The following ELP2 variants were observed in gnomAD, a reference collection of about 807,000 sequenced individuals.
ELP2 encodes elongator acetyltransferase complex subunit 2.
ELP2 carries 90 observed loss-of-function variants against 119.2 expected under a neutral mutation model. The observed-to-expected ratio is 0.75, with a 90% CI of 0.64 to 0.90. The LOEUF (loss-of-function observed/expected upper bound fraction) is 0.90. Ranked by LOEUF, ELP2 falls within the 40% of genes least tolerant of loss-of-function variation. ELP2 has a pLI of 0.00. For missense variants in ELP2, 921 were observed against 967.8 expected (o/e 0.95, Z 0.64); for synonymous variants, 339 against 331.0 (o/e 1.02, Z -0.26).
In ELP2 at chr18:36,130,044, C is replaced by T. The variant is rs916507450; in HGVS notation, c.111C>T (p.Ser37=). Reference sequence around the variant, plus strand: ...GAGGACTTCTGGCCTTTGGCACGTCCTGCTCCGTGGTGCTCTATGACCCCC... The same window carrying T: ...GAGGACTTCTGGCCTTTGGCACGTCTTGCTCCGTGGTGCTCTATGACCCCC... The part of the protein sequence containing the change: ...GPRGLLAFGT[S]CSVVLYDPLK... The change falls in exon 1 of 22, where the codon TCC becomes TCT. Residue 37 remains serine, a synonymous_variant. Coordinates refer to ENST00000358232, the MANE Select transcript of ELP2 (RefSeq NM_018255.4). The T allele has an allele frequency of 1.2e-5, 20 of 1,614,076 alleles. No homozygotes were observed. Among genetic ancestry groups the T allele is most frequent in the Non-Finnish European group, 1.6e-5 (19 of 1,180,036 alleles).
intron 18 of ELP2, among the ~76,000 whole-genome samples, chr18:36,166,332 T>TTG (rs1568022441): frequency 7.5e-5 from 9 of 119,942 alleles, no homozygotes; most frequent in South Asian, 3.2e-4. Context: ...TTTTTTTTTT[T>TTG]TTTTTTTTTT....
At chr18:36,168,382 A>G (rs1257022462) in intron 19 of ELP2, among the ~76,000 whole-genome samples, 1 of 152,172 alleles carries the variant, frequency 6.6e-6, no homozygotes, top group East Asian at 1.9e-4. Context: ...TCATGCTGCT[A>G]TGAGGAACTG....
In ELP2 at chr18:36,146,237, T is replaced by C. The variant is rs1351479859; in HGVS notation, c.994-13T>C. ...TATTGATTAAGAATTGTTTTCTGTC[T>C]GTTATTGTACAGGTTCGAGTAGGTG... On this transcript the variant is annotated splice_polypyrimidine_tract_variant and intron_variant, in intron 10 of 21. Coordinates refer to ENST00000358232, the MANE Select transcript of ELP2 (RefSeq NM_018255.4). The C allele has an allele frequency of 1.9e-6, 3 of 1,614,114 alleles. No homozygotes were observed. Among genetic ancestry groups the C allele is most frequent in the Admixed American group, 1.7e-5 (1 of 60,026 alleles).
intron 8 of ELP2, among the ~76,000 whole-genome samples, 164 bp downstream of exon 8, chr18:36,143,130 T>G (rs1170506836): frequency 6.6e-6 from 1 of 151,978 alleles, no homozygotes; most frequent in Admixed American, 6.6e-5. Flanking sequence ...GAGTTTTGCT[T>G]CTTCACCTCG....
At chr18:36,171,882 A>C (rs1474658856) in intron 21 of ELP2, among the ~76,000 whole-genome samples, 3 of 152,080 alleles carry the variant, frequency 2.0e-5, no homozygotes, top group Admixed American at 2.0e-4. Context: ...ATGCCAGGCT[A>C]ATTTTTTTTG....
At chr18:36,151,742 GTTTT>G (rs71166098) in intron 11 of ELP2, among the ~76,000 whole-genome samples, 2 of 109,856 alleles carry the variant, frequency 1.8e-5, no homozygotes, top group East Asian at 6.6e-4. Context: ...GTTCTGTTCT[GTTTT>G]TTTTTTTTTT....
At position 36,174,800 on chromosome 18, in the gene ELP2, G is replaced by A. The variant is rs892784667; in HGVS notation, c.*159G>A. On this transcript the variant is annotated 3_prime_UTR_variant, in exon 22 of 22. Transcript: ENST00000358232. ...CAACCTCCACCTCCCAGGTTCAAGC[G>A]ATTCTCTTTCTTCAGCCTCCTGAGT... 1.2e-5 allele frequency: 8 copies of A among 667,050 alleles called. No individual in the cohort carries two copies. Among genetic ancestry groups the A allele is most frequent in the Admixed American group, 5.3e-5 (2 of 37,438 alleles). 41.3% of individuals were successfully genotyped at this position (667,050 alleles called of 1,614,324 possible).
intron 3 of ELP2, 30 bp downstream of exon 3, chr18:36,136,407 G>T (rs1398538587): frequency 1.3e-6 from 2 of 1,540,612 alleles, no homozygotes; most frequent in African/African-American, 1.4e-5. Flanking sequence ...ATCAAGAAAT[G>T]ACTTTTTTTG....
chr18:36,149,471 G>GTTTTTTTTTTTTTTTTTTT (rs1457178336), intron 11 of ELP2, among the ~76,000 whole-genome samples: 1 of 66,910 alleles, frequency 1.5e-5, no homozygotes, highest in African/African-American at 4.4e-5. Context: ...TAGTTGCAGG[G>GTTTTTTTTTTTTTTTTTTT]TTTTTTGTTT....
intron 11 of ELP2, among the ~76,000 whole-genome samples, chr18:36,153,364 A>G (rs947047496): frequency 6.6e-6 from 1 of 152,068 alleles, no homozygotes; most frequent in African/African-American, 2.4e-5. Flanking sequence ...TTCTTCCCAA[A>G]CCACACGATT....
At chr18:36,141,630 A>G (rs2090031943) in intron 6 of ELP2, among the ~76,000 whole-genome samples, 1 of 151,916 alleles carries the variant, frequency 6.6e-6, no homozygotes, top group Non-Finnish European at 1.5e-5. Flanking sequence ...ATTTAATAGG[A>G]TACTCATTTC....
intron 12 of ELP2, among the ~76,000 whole-genome samples, chr18:36,155,264 T>C (rs117328650): frequency 0.11 from 10,911 of 99,642 alleles, 57 homozygotes; most frequent in African/African-American, 0.14. Flanking sequence ...GCACCGCCCC[T>C]CCCCCCCCCC....
rs947364943 is a variant in ELP2 at position 36,141,063 on chromosome 18, A to G, written c.524-74A>G. Reference sequence around the variant, plus strand: ...CAGGATTCTTTACTTAGAGCTTACAATCCAGTACAGTTGATAAATCATAAC... The same window carrying G: ...CAGGATTCTTTACTTAGAGCTTACAGTCCAGTACAGTTGATAAATCATAAC... On this transcript the variant is annotated intron_variant, in intron 5 of 21. Transcript: ENST00000358232. The G allele has an allele frequency of 1.7e-5, 20 of 1,211,910 alleles. 1 individual carries two copies. Among genetic ancestry groups the G allele is most frequent in the Admixed American group, 1.2e-4 (7 of 59,498 alleles). The allele number at this position is 1,211,910 out of a possible 1,614,324, so 75.1% of individuals were successfully genotyped here.
Position 36,164,636 on chromosome 18 carries a change from G to A in ELP2, c.1923G>A (p.Trp641Ter), listed in dbSNP as rs748788442. 1 of 1,614,066 alleles carries A rather than the reference G, an allele frequency of 6.2e-7. No individual in the cohort carries two copies. The highest frequency in any genetic ancestry group is 8.5e-7 in the Non-Finnish European group (1 of 1,179,972). Residue 641 changes from tryptophan (W) to a stop codon, truncating the protein, a stop_gained, in exon 18 of 22, where the codon TGG becomes TGA. Transcript: ENST00000358232. LOFTEE classifies it high-confidence loss of function. The stretch of plus-strand genomic sequence containing the variant: ...CCAGAGATCGAACCTGGTCATTGTG[G>A]AAAAAGCAGGATACAATCTCACCTG... The part of the protein sequence containing the change: ...AVSRDRTWSL[W>*]KKQDTISPEF...
intron 11 of ELP2, among the ~76,000 whole-genome samples, chr18:36,150,656 C>G (rs759283027): frequency 5.9e-5 from 9 of 152,228 alleles, no homozygotes; most frequent in Non-Finnish European, 1.3e-4. Flanking sequence ...TCCCAGCACT[C>G]TAGCTTCTAC....
chr18:36,149,136 CATTT>C (rs1208917686), intron 11 of ELP2, among the ~76,000 whole-genome samples: 1 of 152,156 alleles, frequency 6.6e-6, no homozygotes, highest in Non-Finnish European at 1.5e-5. Context: ...CTCAATGACC[CATTT>C]ATTCATTTCT....
At chr18:36,147,687 T>TAGCCAGC (rs2090253272) in intron 11 of ELP2, among the ~76,000 whole-genome samples, 3 of 152,070 alleles carry the variant, frequency 2.0e-5, no homozygotes, top group Non-Finnish European at 4.4e-5. Flanking sequence ...CCTCCCAAAG[T>TAGCCAGC]GCTGGGATTA....
chr18:36,136,310 C>T lies in ELP2; in HGVS notation c.221C>T (p.Pro74Leu). The T allele has an allele frequency of 1.2e-6, 2 of 1,610,044 alleles. No homozygotes were observed. The highest frequency in any genetic ancestry group is 8.5e-7 in the Non-Finnish European group (1 of 1,176,376). Reference sequence around the variant, plus strand: ...ACTGAGATATAATTTTTTTCAGCCCCTTCTACTGAATTAGTTTCTGGAGGA... The same window carrying T: ...ACTGAGATATAATTTTTTTCAGCCCTTTCTACTGAATTAGTTTCTGGAGGA... The part of the protein sequence containing the change: ...IQWICKQDGS[P>L]STELVSGGSD... Residue 74 changes from proline to leucine, a missense_variant, in exon 3 of 22, where the codon CCT becomes CTT. Transcript: ENST00000358232.
chr18:36,144,380 G>A (rs1187156186), intron 8 of ELP2, among the ~76,000 whole-genome samples: 1 of 152,104 alleles, frequency 6.6e-6, no homozygotes, highest in African/African-American at 2.4e-5. Context: ...AAGAGAAAGA[G>A]GTTTAGTTGA....
Sources: gnomAD v4.1 joint callset for allele counts (sites outside exome capture counted in the v4.1 genomes callset) on GRCh38, gnomAD v4.1.1 for gene constraint, MANE v1.5 for transcripts, NCBI Gene and HGNC (gene_info 2026-07-23, HGNC 2026-07-21) for gene names.